Variants in DOCK3 observed in about 807,000 individuals in gnomAD.
DOCK3 encodes dedicator of cytokinesis 3.
In DOCK3, 60 loss-of-function variants were observed where a neutral mutation model predicts 265.6. The ratio of observed to expected loss-of-function variants is 0.23; its 90% confidence interval spans 0.18 to 0.28. The LOEUF (loss-of-function observed/expected upper bound fraction) is 0.28. Among genes scored for constraint, DOCK3 ranks in the 10% least tolerant of loss-of-function variants. DOCK3 has a pLI of 1.00. For synonymous variants in DOCK3, 881 were observed against 938.0 expected (o/e 0.94, Z 1.11); for missense variants, 1,981 against 2,594.3 (o/e 0.76, Z 5.14).
intron 1 of DOCK3, among the ~76,000 whole-genome samples, chr3:50,734,488 C>T (rs1258929318): frequency 6.6e-6 from 1 of 151,948 alleles, no homozygotes; most frequent in African/African-American, 2.4e-5. Context: ...GGCAACAGAG[C>T]AAGACTCTGT....
In DOCK3 at chr3:51,356,926, A is replaced by G. The variant is rs189674717; in HGVS notation, c.4504-36A>G. 3,290 of 1,578,734 alleles carry G rather than the reference A, an allele frequency of 2.1e-3. 6 individuals carry two copies. Among genetic ancestry groups the G allele is most frequent in the Non-Finnish European group, 2.7e-3 (3,092 of 1,161,492 alleles). On this transcript the variant is annotated intron_variant, in intron 43 of 52. Coordinates refer to ENST00000266037, the MANE Select transcript of DOCK3 (RefSeq NM_004947.5). ...AGGAAGATGATGAGGGGTTATCATC[A>G]TTTCTGGGATGACTCTGTGTGCTGT...
rs2042287328 is a variant in DOCK3, at chr3:50,788,269, G to A, written c.121+9511G>A. The A allele has an allele frequency of 7.1e-6, 4 of 559,992 alleles. No homozygotes were observed. In the East Asian group the frequency reaches 1.8e-4, roughly 25 times the overall value. The allele number at this position is 559,992 out of a possible 1,614,324, so 34.7% of individuals were successfully genotyped here. The stretch of plus-strand genomic sequence containing the variant: ...GTTTTCAACCAGCTCCTGACGAGAA[G>A]TGGCTGTGTGCCTCATTGGTAAATG... On this transcript the variant is annotated intron_variant, in intron 2 of 52. Transcript: ENST00000266037.
At chr3:50,804,362 C>G (rs1048596066) in intron 2 of DOCK3, among the ~76,000 whole-genome samples, 1 of 152,126 alleles carries the variant, frequency 6.6e-6, no homozygotes, top group Non-Finnish European at 1.5e-5. Context: ...GCTGCAATCT[C>G]GGCACTTTGG....
At chr3:51,350,413 A>T (rs779071807) in intron 40 of DOCK3, 21 bp downstream of exon 40, 2 of 1,600,334 alleles carry the variant, frequency 1.2e-6, no homozygotes, top group Non-Finnish European at 1.7e-6. Flanking sequence ...TCAGATGGTC[A>T]CAAGAACTTA....
At chr3:50,737,150 G>T (rs894685471) in intron 1 of DOCK3, among the ~76,000 whole-genome samples, 1 of 152,078 alleles carries the variant, frequency 6.6e-6, no homozygotes, top group South Asian at 2.1e-4. Context: ...CATTCTGTAG[G>T]TTACCTATTC....
At chr3:50,929,319 C>T (rs2050934785) in intron 4 of DOCK3, among the ~76,000 whole-genome samples, 1 of 152,162 alleles carries the variant, frequency 6.6e-6, no homozygotes, top group African/African-American at 2.4e-5. Context: ...GAGCTTCTTC[C>T]CCACAGTGAC....
chr3:50,677,190 GC>G (rs2034035800), intron 1 of DOCK3, among the ~76,000 whole-genome samples: 1 of 152,220 alleles, frequency 6.6e-6, no homozygotes, highest in Admixed American at 6.5e-5. Flanking sequence ...CATTTTCATA[GC>G]AGCTGTGGTT....
rs2080797302 is a variant in DOCK3 at position 51,046,868 on chromosome 3, T to C, written c.316-17580T>C. Among the ~76,000 whole-genome samples the C allele has an allele frequency of 2.6e-5, 4 of 152,078 alleles. No homozygotes were observed. In the South Asian group the frequency reaches 8.3e-4, roughly 32 times the overall value. ...GAAGTTTGAAATCACTTTAAATATATTTTCTAATAATAGTGGAATGAAAAT... is the reference window on the plus strand; with the variant it reads ...GAAGTTTGAAATCACTTTAAATATACTTTCTAATAATAGTGGAATGAAAAT... On this transcript the variant is annotated intron_variant, in intron 5 of 52. Transcript: ENST00000266037.
Position 51,382,216 on chromosome 3 carries a change from G to T in DOCK3, c.*657G>T. ...GGCACTGCCAGGGTTCAATGGGCCA[G>T]CCGTCTCCTACTCCACCTTGGATTT... On this transcript the variant is annotated 3_prime_UTR_variant, in exon 53 of 53. Transcript: ENST00000266037. The T allele has an allele frequency of 6.6e-6, 1 of 152,562 alleles. No individual in the cohort carries two copies. Among genetic ancestry groups the T allele is most frequent in the Non-Finnish European group, 1.5e-5 (1 of 68,078 alleles). The allele number at this position is 152,562 out of a possible 1,614,324, so 9.5% of individuals were successfully genotyped here. A position where few individuals can be genotyped will look rare whatever the true frequency, so the allele number is the denominator to read the frequency against.
intron 2 of DOCK3, among the ~76,000 whole-genome samples, chr3:50,813,002 C>T (rs2043857006): frequency 6.6e-6 from 1 of 152,078 alleles, no homozygotes; most frequent in Non-Finnish European, 1.5e-5. Flanking sequence ...GGGTTATGAT[C>T]TAAAGCATAT....
chr3:51,155,094 C>G (rs1200634953), intron 10 of DOCK3, among the ~76,000 whole-genome samples: 1 of 152,092 alleles, frequency 6.6e-6, no homozygotes, highest in African/African-American at 2.4e-5. Flanking sequence ...ATCCTCCTGC[C>G]TCGGTCTCCT....
rs998438351 is a variant in DOCK3, at chr3:50,675,426, C to T, written c.37+126C>T. On this transcript the variant is annotated intron_variant, in intron 1 of 52. Transcript: ENST00000266037. The surrounding 1 kb of genome is among the most constrained non-coding windows in gnomAD (Gnocchi z 6.1). ...CAGGCTGCGCGGCCTCGGCGCGGGG[C>T]GAGCGCGGGGTGGGGGCAGGTGCGG... is the stretch of plus-strand genomic sequence containing the variant. 19 of 897,576 alleles carry T rather than the reference C, an allele frequency of 2.1e-5. No individual in the cohort carries two copies. Among genetic ancestry groups the T allele is most frequent in the Non-Finnish European group, 2.5e-5 (18 of 713,794 alleles). The allele number at this position is 897,576 out of a possible 1,614,324, so 55.6% of individuals were successfully genotyped here.
intron 1 of DOCK3, among the ~76,000 whole-genome samples, chr3:50,696,856 TTC>T (rs2035655704): frequency 6.6e-6 from 1 of 152,186 alleles, no homozygotes; most frequent in African/African-American, 2.4e-5. Flanking sequence ...CTTGTCTTTT[TTC>T]TCTACATTGT....
In DOCK3 at chr3:51,313,975, A is replaced by G. The variant is rs575699758; in HGVS notation, c.3254-1005A>G. ...CATTTGCTTCTTAGAATTTTTTTTA[A>G]TACCAGATTTGCCTGATAAAGCCTT... On this transcript the variant is annotated intron_variant, in intron 31 of 52. Transcript: ENST00000266037. Among the ~76,000 whole-genome samples, 3 of 152,322 alleles carry G rather than the reference A, an allele frequency of 2.0e-5. No individual in the cohort carries two copies. In the South Asian group the frequency reaches 6.2e-4, roughly 32 times the overall value.
chr3:51,268,159 A>G (rs896954441), intron 23 of DOCK3, among the ~76,000 whole-genome samples: 1 of 152,204 alleles, frequency 6.6e-6, no homozygotes, highest in South Asian at 2.1e-4. Flanking sequence ...AAAACTTCAA[A>G]AAAAGATTAG....
chr3:51,364,105 A>C (rs1314003185), intron 49 of DOCK3, among the ~76,000 whole-genome samples: 1 of 152,360 alleles, frequency 6.6e-6, no homozygotes, highest in Admixed American at 6.5e-5. Context: ...TCCCACCAAC[A>C]GTGTAAAAGT....
chr3:51,215,461 TTA>T (rs943412341), intron 14 of DOCK3, among the ~76,000 whole-genome samples: 1 of 152,180 alleles, frequency 6.6e-6, no homozygotes, highest in Non-Finnish European at 1.5e-5. Flanking sequence ...TGCTAAAAGC[TTA>T]TTTGCTTTTG....
intron 12 of DOCK3, among the ~76,000 whole-genome samples, chr3:51,179,898 G>A (rs993754867): frequency 4.0e-5 from 6 of 151,878 alleles, no homozygotes; most frequent in Non-Finnish European, 8.8e-5. Context: ...GCAACAGAAC[G>A]AGACCTTGTC....
chr3:51,180,797 TAGAA>T (rs1319108236), intron 12 of DOCK3, among the ~76,000 whole-genome samples: 1 of 152,212 alleles, frequency 6.6e-6, no homozygotes, highest in Non-Finnish European at 1.5e-5. Context: ...AACCCTTAAT[TAGAA>T]AGACCTTTAA....
Sources: gnomAD v4.1 joint callset for allele counts (sites outside exome capture counted in the v4.1 genomes callset) on GRCh38, gnomAD v4.1.1 for gene constraint, Gnocchi (gnomAD v3.1) non-coding constraint, MANE v1.5 for transcripts, NCBI Gene and HGNC (gene_info 2026-07-23, HGNC 2026-07-21) for gene names.